The following C8orf34 variants were observed in gnomAD, a reference collection of about 807,000 sequenced individuals.
The protein encoded by C8orf34 is chromosome 8 open reading frame 34, also known as uncharacterized protein C8orf34.
Under a neutral mutation model 68.3 loss-of-function variants are expected in C8orf34, and 65 were observed. The ratio of observed to expected loss-of-function variants is 0.95; its 90% CI spans 0.78 to 1.17. The LOEUF is 1.17. C8orf34 is among the 50% of genes most tolerant of loss of function. The pLI, the probability that C8orf34 is intolerant of heterozygous loss-of-function variation, is 0.00. For missense variants in C8orf34, 664 were observed against 655.4 expected (o/e 1.01, Z -0.14); for synonymous variants, 244 against 241.2 (o/e 1.01, Z -0.11).
At position 68,645,262 on chromosome 8, in the gene C8orf34, T is replaced by C. The variant is rs958897644; in HGVS notation, c.1241+4751T>C. On this transcript the variant is annotated intron_variant, in intron 8 of 13. Transcript: ENST00000518698. ...CTTGGAGATAATTTCCAAGGGCGAG[T>C]GGGAAGGCTGGATACAATAACTAGA... 7.9e-5 allele frequency among the ~76,000 whole-genome samples: 12 copies of C among 151,940 alleles called. 1 individual carries two copies. The highest frequency in any genetic ancestry group is 2.7e-4 in the African/African-American group (11 of 41,336).
At chr8:68,696,348 T>A (rs1175570718) in intron 8 of C8orf34, among the ~76,000 whole-genome samples, 1 of 148,428 alleles carries the variant, frequency 6.7e-6, no homozygotes. Flanking sequence ...ATATTATATA[T>A]TGATTATATA....
At chr8:68,535,715 G>A (rs1312535122) in intron 7 of C8orf34, 1 of 894,664 alleles carries the variant, frequency 1.1e-6, no homozygotes, top group Non-Finnish European at 1.3e-6. Flanking sequence ...TAATTTTTAA[G>A]TAGATCAAAT....
intron 7 of C8orf34, among the ~76,000 whole-genome samples, chr8:68,571,820 C>T (rs1351012752): frequency 6.6e-6 from 1 of 152,040 alleles, no homozygotes; most frequent in Admixed American, 6.6e-5. Context: ...GCTATGAAAA[C>T]CAAATGTGAA....
intron 8 of C8orf34, among the ~76,000 whole-genome samples, chr8:68,695,321 G>T (rs1174787726): frequency 6.6e-6 from 1 of 151,916 alleles, no homozygotes; most frequent in Non-Finnish European, 1.5e-5. Context: ...CTAAATTTTT[G>T]TATTTTTAGT....
intron 3 of C8orf34, among the ~76,000 whole-genome samples, chr8:68,462,258 G>T (rs938781677): frequency 6.6e-6 from 1 of 152,078 alleles, no homozygotes; most frequent in Non-Finnish European, 1.5e-5. Context: ...AAATATATAT[G>T]CACCCAATAC....
chr8:68,688,471 G>T (rs755481632), intron 8 of C8orf34, among the ~76,000 whole-genome samples: 29 of 152,046 alleles, frequency 1.9e-4, no homozygotes, highest in Non-Finnish European at 4.1e-4. Flanking sequence ...CCATTACTGG[G>T]TATATACCCA....
intron 10 of C8orf34, among the ~76,000 whole-genome samples, chr8:68,725,183 G>A (rs1332229344): frequency 6.6e-6 from 1 of 152,142 alleles, no homozygotes; most frequent in Non-Finnish European, 1.5e-5. Flanking sequence ...CTATTTTGCT[G>A]TAAAAGTATT....
intron 1 of C8orf34, among the ~76,000 whole-genome samples, chr8:68,343,484 C>T (rs1029043975): frequency 3.3e-5 from 5 of 152,096 alleles, no homozygotes; most frequent in Admixed American, 3.3e-4. Context: ...AGTGCAGTGG[C>T]ATGATCTTGG....
intron 1 of C8orf34, among the ~76,000 whole-genome samples, chr8:68,431,015 G>A (rs770707938): frequency 1.3e-5 from 2 of 152,086 alleles, no homozygotes; most frequent in Non-Finnish European, 2.9e-5. Flanking sequence ...ACCAACTTTA[G>A]GGATGATAAA....
rs565585888 is a variant in C8orf34 at position 68,534,692 on chromosome 8, G to T, written c.1105+1543G>T. 9.1e-6 allele frequency: 9 copies of T among 985,396 alleles called. No individual in the cohort carries two copies. In the East Asian group the frequency reaches 9.1e-4, roughly 100 times the overall value. 61.0% of individuals were successfully genotyped at this position (985,396 alleles called of 1,614,324 possible). A position where few individuals can be genotyped will look rare whatever the true frequency, so the allele number is the denominator to read the frequency against. On this transcript the variant is annotated intron_variant, in intron 7 of 13. Transcript: ENST00000518698. ...TAGGTATGGGCTGTTTTGCGATTGT[G>T]CTCCATAACTATACCTGTAAATGGT...
At chr8:68,790,609 G>C (rs1323611816) in intron 12 of C8orf34, among the ~76,000 whole-genome samples, 7 of 150,572 alleles carry the variant, frequency 4.6e-5, no homozygotes, top group African/African-American at 1.7e-4. Context: ...TTATAAGCAA[G>C]ATAAGCAAAA....
At chr8:68,763,062 C>T (rs979143635) in intron 10 of C8orf34, among the ~76,000 whole-genome samples, 6 of 152,170 alleles carry the variant, frequency 3.9e-5, no homozygotes, top group Non-Finnish European at 8.8e-5. Flanking sequence ...TCCTAGGCAT[C>T]AGTGAAACAG....
chr8:68,477,938 G>T (rs751080899), intron 4 of C8orf34, among the ~76,000 whole-genome samples: 7 of 152,022 alleles, frequency 4.6e-5, no homozygotes, highest in Non-Finnish European at 1.0e-4. Context: ...GAGCAGCAGG[G>T]ACCATGAGCC....
At chr8:68,339,263 A>G (rs13258893) in intron 1 of C8orf34, among the ~76,000 whole-genome samples, 1 of 151,564 alleles carries the variant, frequency 6.6e-6, no homozygotes, top group East Asian at 1.9e-4. Context: ...CAAAAAAGAG[A>G]CAATAAATAA....
At chr8:68,561,126 G>A (rs1366542551) in intron 7 of C8orf34, among the ~76,000 whole-genome samples, 1 of 151,478 alleles carries the variant, frequency 6.6e-6, no homozygotes, top group Admixed American at 6.6e-5. Flanking sequence ...GGGATTACAG[G>A]TGCATGCCAC....
At chr8:68,424,902 AAAT>A (rs898587113) in intron 1 of C8orf34, among the ~76,000 whole-genome samples, 4 of 151,990 alleles carry the variant, frequency 2.6e-5, no homozygotes, top group African/African-American at 4.8e-5. Context: ...TCCATCCCAA[AAAT>A]AATAATAATA....
At chr8:68,397,019 T>A (rs191959777) in intron 1 of C8orf34, among the ~76,000 whole-genome samples, 130 of 152,236 alleles carry the variant, frequency 8.5e-4, no homozygotes, top group African/African-American at 2.9e-3. Context: ...TATTTTCTTT[T>A]TTTTTGAGGT....
chr8:68,746,389 C>A (rs1419103413), intron 10 of C8orf34, among the ~76,000 whole-genome samples: 1 of 103,820 alleles, frequency 9.6e-6, no homozygotes, highest in Admixed American at 1.1e-4. Flanking sequence ...AAAATCAGAG[C>A]AGAACTGAAG....
At chr8:68,534,825 T>C (rs2129854938) in intron 7 of C8orf34, 1 of 985,408 alleles carries the variant, frequency 1.0e-6, no homozygotes. Context: ...TCAGCTGCCC[T>C]GACTGAAGGT....
Sources: allele counts gnomAD v4.1 joint callset (sites outside exome capture counted in the v4.1 genomes callset), GRCh38; gene constraint gnomAD v4.1.1; transcripts MANE v1.5; gene names NCBI Gene and HGNC (gene_info 2026-07-23, HGNC 2026-07-21).